KLC3: variants seen among roughly 807,000 people sequenced by gnomAD.
KLC3 encodes the protein kinesin light chain 3.
Under a neutral mutation model 62.9 loss-of-function variants are expected in KLC3, and 72 were observed. The observed-to-expected ratio is 1.15, with a 90% confidence interval of 0.95 to 1.39. The LOEUF is 1.39. Ranked by LOEUF, KLC3 falls within the 40% of genes most tolerant of loss-of-function variation. The pLI is 0.00. For synonymous variants in KLC3, 377 were observed against 300.5 expected, an observed-to-expected ratio of 1.25 and a Z score of -2.63; for missense variants, 848 against 691.6, an observed-to-expected ratio of 1.23 and a Z score of -2.54.
chr19:45,349,678 G>A, intron 8 of KLC3, 76 bp downstream of exon 8: 1 of 1,078,038 alleles, frequency 9.3e-7, no homozygotes, highest in Non-Finnish European at 1.3e-6. Flanking sequence ...GTTGGATACA[G>A]GGTGAGCAAC....
intron 11 of KLC3, 86 bp downstream of exon 11, chr19:45,350,833 C>T: frequency 1.3e-6 from 1 of 767,160 alleles, no homozygotes; most frequent in East Asian, 5.4e-5. Flanking sequence ...TGCTCAAGAA[C>T]CTTCCATGGC....
chr19:45,346,213 C>T (rs1009560864), intron 2 of KLC3, among the ~76,000 whole-genome samples: 1 of 151,922 alleles, frequency 6.6e-6, no homozygotes, highest in Non-Finnish European at 1.5e-5. Flanking sequence ...CAGGGGGAGG[C>T]CTAGGGGAAC....
chr19:45,346,975 G>A lies in KLC3; in HGVS notation c.489+201G>A, dbSNP rs185250071. 1.3e-3 allele frequency: 660 copies of A among 522,466 alleles called. 2 individuals carry two copies. Among genetic ancestry groups the A allele is most frequent in the African/African-American group, 0.012 (610 of 50,272 alleles). 32.4% of individuals were successfully genotyped at this position (522,466 alleles called of 1,614,324 possible). On this transcript the variant is annotated intron_variant, in intron 3 of 12. Transcript: ENST00000391946. ...AGAACTTCCACAGACGCCCCCACTA[G>A]CTACTCCACGAAGCCCCCGAGCCTC...
chr19:45,349,577 A>G lies in KLC3; in HGVS notation c.1118A>G (p.Asn373Ser), dbSNP rs1347894496. 2.5e-6 allele frequency: 4 copies of G among 1,612,544 alleles called. No homozygotes were observed. ...YEALGGPHDPNVAKTKNNLAS... is the reference protein window; with the variant it reads ...YEALGGPHDPSVAKTKNNLAS... ...GCACTGGGCGGGCCCCATGACCCCA[A>G]CGTGGCCAAGACCAAGAACAACCTG... Residue 373 changes from asparagine (N) to serine (S), a missense_variant, in exon 8 of 13, where the codon AAC becomes AGC. Transcript: ENST00000391946.
Position 45,350,951 on chromosome 19 carries a change from C to T in KLC3, c.1380-3C>T, listed in dbSNP as rs1386264664. The T allele has an allele frequency of 8.1e-6, 13 of 1,613,930 alleles. No homozygotes were observed. Among genetic ancestry groups the T allele is most frequent in the East Asian group, 2.2e-5 (1 of 44,876 alleles). On this transcript the variant is annotated splice_polypyrimidine_tract_variant and splice_region_variant and intron_variant, in intron 11 of 12. Transcript: ENST00000391946. ...CATTTCCTCCCTGCTGCCCTCTTTG[C>T]AGAATGAAGAGAGCCATGTCACTCA...
At chr19:45,351,090 G>T (rs192250981) in intron 12 of KLC3, 73 bp downstream of exon 12, 41 of 1,611,592 alleles carry the variant, frequency 2.5e-5, no homozygotes, top group Non-Finnish European at 3.3e-5. Context: ...AAGGCAGGGC[G>T]GTCGGGCCAG....
At chr19:45,345,251 TAATTACA>T in intron 1 of KLC3, 3 of 559,568 alleles carry the variant, frequency 5.4e-6, no homozygotes, top group Non-Finnish European at 9.4e-6. Flanking sequence ...TTCTCTTGGT[TAATTACA>T]CATAGGATTT....
At position 45,341,998 on chromosome 19, in the gene KLC3, G is replaced by A. The variant is rs575886895; in HGVS notation, c.-9+1152G>A. 3.9e-5 allele frequency among the ~76,000 whole-genome samples: 6 copies of A among 152,136 alleles called. No individual in the cohort carries two copies. In the South Asian group the frequency reaches 6.2e-4, roughly 16 times the overall value. On this transcript the variant is annotated intron_variant, in intron 1 of 12. Transcript: ENST00000391946. ...CTGTGCCTATGATTATCAGCTGTGC[G>A]GTTGTGCACCCGGGGCTCTGTGTGA... is the stretch of plus-strand genomic sequence containing the variant.
intron 1 of KLC3, among the ~76,000 whole-genome samples, chr19:45,342,278 G>A (rs1259656551): frequency 6.6e-6 from 1 of 152,030 alleles, no homozygotes; most frequent in Non-Finnish European, 1.5e-5. Context: ...AATAGGTATG[G>A]TGTGATATAC....
intron 4 of KLC3, 51 bp from the exon 5 acceptor site, chr19:45,347,890 T>C: frequency 6.9e-7 from 1 of 1,445,174 alleles, no homozygotes; most frequent in South Asian, 1.2e-5. Context: ...CATGCGAGGC[T>C]GGAGGGGCAG....
chr19:45,347,585 A>G, intron 4 of KLC3, 69 bp downstream of exon 4: 2 of 1,418,678 alleles, frequency 1.4e-6, no homozygotes, highest in East Asian at 4.6e-5. Context: ...GAGCTGCAGG[A>G]CCCCAAAATC....
chr19:45,351,083 G>A (rs1971741555), intron 12 of KLC3, 66 bp downstream of exon 12: 1 of 1,612,978 alleles, frequency 6.2e-7, no homozygotes, highest in South Asian at 1.1e-5. Context: ...TGAGGCAAAG[G>A]CAGGGCGGTC....
intron 2 of KLC3, 39 bp from the exon 3 acceptor site, chr19:45,346,505 C>G: frequency 1.3e-6 from 2 of 1,486,404 alleles, no homozygotes; most frequent in Non-Finnish European, 1.8e-6. Flanking sequence ...TCTGGCAGGG[C>G]AGGAACCAAC....
chr19:45,349,515 G>A lies in KLC3; in HGVS notation c.1056G>A (p.Val352=). ...AGAACCAGGGCAAGTTTGAGGACGT[G>A]GAGCGGCACTATGCCCGGGCCCTGA... is the stretch of plus-strand genomic sequence containing the variant. The part of the protein sequence containing the change: ...LCQNQGKFED[V]ERHYARALSI... The change falls in exon 8 of 13, where the codon GTG becomes GTA. Residue 352 remains valine, a synonymous_variant. Transcript: ENST00000391946. 1 of 1,613,632 alleles carries A rather than the reference G, an allele frequency of 6.2e-7. No homozygotes were observed. The highest frequency in any genetic ancestry group is 8.5e-7 in the Non-Finnish European group (1 of 1,179,826).
intron 8 of KLC3, 40 bp from the exon 9 acceptor site, chr19:45,350,301 C>A: frequency 3.4e-6 from 5 of 1,488,976 alleles, no homozygotes; most frequent in Non-Finnish European, 4.7e-6. Context: ...GTGTTGGGAA[C>A]TGGGGTCCGA....
At chr19:45,347,893 A>G (rs1171376792) in intron 4 of KLC3, 48 bp from the exon 5 acceptor site, 3 of 1,463,792 alleles carry the variant, frequency 2.0e-6, no homozygotes, top group Non-Finnish European at 2.8e-6. Context: ...GCGAGGCTGG[A>G]GGGGCAGGAG....
chr19:45,349,781 C>T (rs373786484), intron 8 of KLC3, 179 bp downstream of exon 8: 28 of 597,848 alleles, frequency 4.7e-5, no homozygotes, highest in East Asian at 1.2e-4. Flanking sequence ...TCAGGAAACG[C>T]GTAAGTCCAC....
Position 45,347,989 on chromosome 19 carries a change from TCCCTG to T in KLC3, c.612_616del (p.Ala205ProfsTer6), listed in dbSNP as rs1287210781. ...GCTGCTCAGCAGGGTGGCTATGAGA[TCCCTG>T]CCCGCCTTCGGACCCTGCATAACCT... On this transcript the variant is annotated frameshift_variant, in exon 5 of 13. Transcript: ENST00000391946. LOFTEE classifies it high-confidence loss of function. 1 of 1,609,114 alleles carries T rather than the reference TCCCTG, an allele frequency of 6.2e-7. No individual in the cohort carries two copies. Among genetic ancestry groups the T allele is most frequent in the South Asian group, 1.1e-5 (1 of 89,868 alleles).
Position 45,348,686 on chromosome 19 carries a change from G to A in KLC3, c.820G>A (p.Asp274Asn), listed in dbSNP as rs1206998485. 1.3e-6 allele frequency: 2 copies of A among 1,596,840 alleles called. No individual in the cohort carries two copies. The highest frequency in any genetic ancestry group is 3.5e-5 in the Admixed American group (2 of 57,536). Residue 274 changes from aspartate to asparagine, a missense_variant, in exon 6 of 13, where the codon GAT becomes AAT. By Grantham distance (23) the Asp-to-Asn change is conservative (BLOSUM62 1). Transcript: ENST00000391946. ...CAAAGAAGCCACAGACCTTCTCCAT[G>A]ATGCCCTGCAGATCCGGGAGCAGAC... ...KYKEATDLLHDALQIREQTLG... is the reference protein window; with the variant it reads ...KYKEATDLLHNALQIREQTLG...
Sources: gnomAD v4.1 joint callset for allele counts (sites outside exome capture counted in the v4.1 genomes callset) on GRCh38, gnomAD v4.1.1 for gene constraint, MANE v1.5 for transcripts, NCBI Gene and HGNC (gene_info 2026-07-23, HGNC 2026-07-21) for gene names.